Variants in ACSS3 observed in about 807,000 individuals in gnomAD.
The protein encoded by ACSS3 is acyl-CoA synthetase short chain family member 3, also known as acyl-CoA synthetase short-chain family member 3, mitochondrial.
In ACSS3, 64 loss-of-function variants were observed where a neutral mutation model predicts 84.2. The ratio of observed to expected loss-of-function variants is 0.76; its 90% CI spans 0.62 to 0.94. The LOEUF (loss-of-function observed/expected upper bound fraction) is 0.94. ACSS3 is among the 40% of genes least tolerant of loss of function. The pLI is 0.00. For synonymous variants in ACSS3, 317 were observed against 310.1 expected (o/e 1.02, Z -0.23); for missense variants, 815 against 867.6 (o/e 0.94, Z 0.76).
At position 81,255,194 on chromosome 12, in the gene ACSS3, T is replaced by A. The variant is rs2034262439; in HGVS notation, c.*272T>A. On this transcript the variant is annotated 3_prime_UTR_variant, in exon 16 of 16. Coordinates refer to ENST00000548058, the MANE Select transcript of ACSS3 (RefSeq NM_024560.4). ...TAGGAAAAACGTATCTAGTGTATTA[T>A]TTTTAAAATTGTACCTCCCAAGAAG... 1 of 246,292 alleles carries A rather than the reference T, an allele frequency of 4.1e-6. No individual in the cohort carries two copies. Among genetic ancestry groups the A allele is most frequent in the Admixed American group, 5.5e-5 (1 of 18,240 alleles). 15.3% of individuals were successfully genotyped at this position (246,292 alleles called of 1,614,324 possible).
intron 7 of ACSS3, among the ~76,000 whole-genome samples, chr12:81,161,630 G>A (rs996658245): frequency 4.6e-5 from 7 of 152,202 alleles, no homozygotes; most frequent in Non-Finnish European, 7.3e-5. Flanking sequence ...CCCTTGGGAT[G>A]TTGCTTTTCC....
At chr12:81,131,564 A>T (rs1383819354) in intron 2 of ACSS3, among the ~76,000 whole-genome samples, 1 of 152,180 alleles carries the variant, frequency 6.6e-6, no homozygotes, top group Non-Finnish European at 1.5e-5. Flanking sequence ...GCAATCATTC[A>T]TCTGCAAACA....
rs190636818 is a variant in ACSS3, at chr12:81,139,434, C to T, written c.780+169C>T. On this transcript the variant is annotated intron_variant, in intron 4 of 15. Transcript: ENST00000548058. ...TAAGACTTACTGACTTCATGAAAAT[C>T]TAGCTTAAAACCAAAAGAGTGAAAC... is the stretch of plus-strand genomic sequence containing the variant. Among the ~76,000 whole-genome samples the T allele has an allele frequency of 3.8e-3, 583 of 151,848 alleles. 7 individuals are homozygous for T. The highest frequency in any genetic ancestry group is 0.014 in the African/African-American group (568 of 41,422).
At chr12:81,091,127 T>C (rs552992006) in intron 1 of ACSS3, among the ~76,000 whole-genome samples, 1 of 152,106 alleles carries the variant, frequency 6.6e-6, no homozygotes, top group South Asian at 2.1e-4. Flanking sequence ...GTGTAACCTG[T>C]GGATATGGAG....
intron 2 of ACSS3, chr12:81,124,581 T>G (rs774983195): frequency 4.6e-5 from 7 of 152,222 alleles, no homozygotes; most frequent in Non-Finnish European, 7.3e-5. Flanking sequence ...CAGTGTCCAC[T>G]GGGACTTCAA....
At chr12:81,221,559 A>G (rs1310750180) in intron 11 of ACSS3, among the ~76,000 whole-genome samples, 2 of 152,122 alleles carry the variant, frequency 1.3e-5, no homozygotes, top group African/African-American at 4.8e-5. Context: ...TCATGCTTTT[A>G]TCAGTAAACA....
At chr12:81,225,820 G>A (rs564708146) in intron 11 of ACSS3, among the ~76,000 whole-genome samples, 21 of 151,928 alleles carry the variant, frequency 1.4e-4, no homozygotes, top group South Asian at 4.1e-4. Flanking sequence ...AATATTGATC[G>A]AAGGAAGAAA....
At chr12:81,244,302 T>C (rs1386039414) in intron 13 of ACSS3, among the ~76,000 whole-genome samples, 1 of 152,098 alleles carries the variant, frequency 6.6e-6, no homozygotes, top group Non-Finnish European at 1.5e-5. Flanking sequence ...TTCTTTATCT[T>C]AGATTGTTTG....
intron 8 of ACSS3, among the ~76,000 whole-genome samples, chr12:81,193,753 G>T (rs1361765631): frequency 6.6e-6 from 1 of 151,572 alleles, no homozygotes; most frequent in Non-Finnish European, 1.5e-5. Flanking sequence ...TTAAACTCTT[G>T]AATTAGGTTA....
intron 2 of ACSS3, among the ~76,000 whole-genome samples, chr12:81,123,736 CTG>C (rs988325499): frequency 1.3e-5 from 2 of 152,286 alleles, no homozygotes; most frequent in Non-Finnish European, 2.9e-5. Context: ...TTTTCTGTCT[CTG>C]TGTTAATTTG....
chr12:81,200,925 GA>G (rs1040336732), intron 9 of ACSS3, among the ~76,000 whole-genome samples: 4 of 147,570 alleles, frequency 2.7e-5, no homozygotes, highest in African/African-American at 9.9e-5. Flanking sequence ...AAGAAAGAAA[GA>G]AAAAAATGTT....
chr12:81,216,859 C>T (rs1160188082), intron 9 of ACSS3, 42 bp from the exon 10 acceptor site: 15 of 1,534,018 alleles, frequency 9.8e-6, no homozygotes, highest in Non-Finnish European at 1.3e-5. Context: ...ATTATGATTC[C>T]AAGTTAAAAC....
At chr12:81,205,872 CGT>C (rs2032324658) in intron 9 of ACSS3, among the ~76,000 whole-genome samples, 1 of 152,054 alleles carries the variant, frequency 6.6e-6, no homozygotes, top group African/African-American at 2.4e-5. Context: ...TGTGTGTTAG[CGT>C]GTGACTTTCT....
chr12:81,166,079 CAAGCTTCTCTGGATTCAA>C (rs1565700444), intron 7 of ACSS3, among the ~76,000 whole-genome samples: 1 of 152,160 alleles, frequency 6.6e-6, no homozygotes, highest in Admixed American at 6.5e-5. Context: ...GGATTTGAAA[CAAGCTTCTCTGGATTCAA>C]AAGCAGGATT....
chr12:81,116,733 G>T (rs1884077239), intron 2 of ACSS3, among the ~76,000 whole-genome samples: 1 of 151,990 alleles, frequency 6.6e-6, no homozygotes, highest in Non-Finnish European at 1.5e-5. Flanking sequence ...ATAGTACATG[G>T]AGTCATATTA....
chr12:81,141,760 T>G (rs914703158), intron 4 of ACSS3, among the ~76,000 whole-genome samples: 2 of 152,196 alleles, frequency 1.3e-5, no homozygotes, highest in African/African-American at 4.8e-5. Flanking sequence ...TTTGATAATT[T>G]GCAATTAGTT....
chr12:81,079,680 G>A (rs12369353), intron 1 of ACSS3, among the ~76,000 whole-genome samples: 51,891 of 151,926 alleles, frequency 0.34, 9,189 homozygotes, highest in East Asian at 0.48. Context: ...TCAACAATGA[G>A]TAAAACCTAG....
chr12:81,108,709 T>A lies in ACSS3; in HGVS notation c.312-851T>A, dbSNP rs561056767. Among the ~76,000 whole-genome samples, 4 of 152,340 alleles carry A rather than the reference T, an allele frequency of 2.6e-5. No homozygotes were observed. The East Asian group carries it at 7.7e-4, about 29-fold the overall frequency. On this transcript the variant is annotated intron_variant, in intron 1 of 15. Transcript: ENST00000548058. Reference sequence around the variant, plus strand: ...GCTATTTAACAAGAGCTTTTTTATTTACTTCAATATATTTTCCTGTTATTT... The same window carrying A: ...GCTATTTAACAAGAGCTTTTTTATTAACTTCAATATATTTTCCTGTTATTT...
chr12:81,250,788 A>T (rs139144369), intron 13 of ACSS3, among the ~76,000 whole-genome samples: 1 of 152,152 alleles, frequency 6.6e-6, no homozygotes, highest in Admixed American at 6.6e-5. Flanking sequence ...AGAAAAAGAG[A>T]TGTTCTTCAC....
Sources: gnomAD v4.1 joint callset for allele counts (sites outside exome capture counted in the v4.1 genomes callset) on GRCh38, gnomAD v4.1.1 for gene constraint, MANE v1.5 for transcripts, NCBI Gene and HGNC (gene_info 2026-07-23, HGNC 2026-07-21) for gene names.